PIP5K1B: variants seen among roughly 807,000 people sequenced by gnomAD.
PIP5K1B encodes phosphatidylinositol 4-phosphate 5-kinase type-1 beta.
In PIP5K1B, 42 loss-of-function variants were observed where a neutral mutation model predicts 67.0. That is an observed-to-expected ratio of 0.63 (90% CI 0.49 to 0.81). The LOEUF is 0.81. Ranked by LOEUF, PIP5K1B falls within the 30% of genes least tolerant of loss-of-function variation. The probability of loss-of-function intolerance (pLI) is 0.00; values close to 1 mark genes in which losing one functional copy is unlikely to be tolerated. For missense variants in PIP5K1B, 459 were observed against 646.3 expected (o/e 0.71, Z 3.14); for synonymous variants, 214 against 231.4 (o/e 0.92, Z 0.68).
chr9:68,728,912 C>G (rs554589039), intron 1 of PIP5K1B: 1 of 152,280 alleles, frequency 6.6e-6, no homozygotes, highest in Non-Finnish European at 1.5e-5. Context: ...GACTAATGAG[C>G]TGCTGGGGAA....
chr9:69,003,153 G>A (rs1830899139), intron 15 of PIP5K1B, among the ~76,000 whole-genome samples: 2 of 151,928 alleles, frequency 1.3e-5, no homozygotes, highest in African/African-American at 4.8e-5. Flanking sequence ...AGAGGGAGGC[G>A]GGATGAGTTG....
intron 9 of PIP5K1B, among the ~76,000 whole-genome samples, chr9:68,918,165 C>G (rs1338182067): frequency 6.6e-6 from 1 of 150,736 alleles, no homozygotes; most frequent in Non-Finnish European, 1.5e-5. Flanking sequence ...TCTCAGTTCA[C>G]TGCAACCTCC....
At chr9:68,904,527 C>G (rs1012455295) in intron 8 of PIP5K1B, among the ~76,000 whole-genome samples, 9 of 152,218 alleles carry the variant, frequency 5.9e-5, no homozygotes, top group African/African-American at 2.2e-4. Context: ...CATAATCAAG[C>G]CCATTGACAT....
At chr9:68,772,175 A>C (rs953533511) in intron 2 of PIP5K1B, among the ~76,000 whole-genome samples, 1 of 152,164 alleles carries the variant, frequency 6.6e-6, no homozygotes, top group African/African-American at 2.4e-5. Flanking sequence ...CAGCAGCTTC[A>C]AACTTCTTTT....
At chr9:68,964,292 G>C (rs1029374193) in intron 14 of PIP5K1B, among the ~76,000 whole-genome samples, 1 of 152,016 alleles carries the variant, frequency 6.6e-6, no homozygotes, top group East Asian at 1.9e-4. Context: ...TGTTTCTTAA[G>C]GGTTTATAAA....
intron 2 of PIP5K1B, among the ~76,000 whole-genome samples, chr9:68,800,589 T>G (rs1315175076): frequency 6.6e-6 from 1 of 152,106 alleles, no homozygotes; most frequent in Admixed American, 6.6e-5. Flanking sequence ...TGTGATTCTA[T>G]AGTTAGTGCA....
At chr9:68,888,497 G>A (rs761889612) in intron 6 of PIP5K1B, among the ~76,000 whole-genome samples, 5 of 152,212 alleles carry the variant, frequency 3.3e-5, no homozygotes, top group South Asian at 2.1e-4. Flanking sequence ...GAGCCCTAGC[G>A]AAAGATCTGG....
At chr9:68,994,230 C>A (rs1264560698) in intron 15 of PIP5K1B, among the ~76,000 whole-genome samples, 2 of 151,482 alleles carry the variant, frequency 1.3e-5, no homozygotes, top group African/African-American at 4.9e-5. Flanking sequence ...TCACTAGAGA[C>A]GGGGTTTCGC....
chr9:68,757,565 G>C (rs1463030416), intron 2 of PIP5K1B, among the ~76,000 whole-genome samples: 1 of 152,076 alleles, frequency 6.6e-6, no homozygotes, highest in Non-Finnish European at 1.5e-5. Context: ...TTAGACCTTT[G>C]GTTATACTCC....
intron 1 of PIP5K1B, among the ~76,000 whole-genome samples, chr9:68,709,300 G>T (rs1287765766): frequency 6.6e-6 from 1 of 151,740 alleles, no homozygotes; most frequent in East Asian, 1.9e-4. Context: ...GGAGTGCAGT[G>T]GCCCAACTCC....
At chr9:68,752,563 T>A (rs1264776503) in intron 2 of PIP5K1B, among the ~76,000 whole-genome samples, 1 of 152,104 alleles carries the variant, frequency 6.6e-6, no homozygotes, top group Non-Finnish European at 1.5e-5. Context: ...TCCTTCTTTC[T>A]TTTCCTTTCT....
At chr9:68,848,532 T>C (rs1297350715) in intron 4 of PIP5K1B, among the ~76,000 whole-genome samples, 1 of 152,206 alleles carries the variant, frequency 6.6e-6, no homozygotes, top group African/African-American at 2.4e-5. Context: ...CAAAAGTATA[T>C]ATTTAATTGT....
At chr9:68,720,012 C>G (rs1464521640) in intron 1 of PIP5K1B, among the ~76,000 whole-genome samples, 1 of 152,196 alleles carries the variant, frequency 6.6e-6, no homozygotes. Context: ...TTGTCCGCCT[C>G]CTTACTGAAA....
intron 4 of PIP5K1B, among the ~76,000 whole-genome samples, chr9:68,832,472 C>T (rs1332902813): frequency 6.6e-6 from 1 of 152,208 alleles, no homozygotes; most frequent in African/African-American, 2.4e-5. Context: ...ACTGTATTTT[C>T]TGGCAAGTTC....
intron 4 of PIP5K1B, among the ~76,000 whole-genome samples, chr9:68,855,115 A>T (rs1005201455): frequency 6.6e-6 from 1 of 152,206 alleles, no homozygotes; most frequent in Non-Finnish European, 1.5e-5. Flanking sequence ...TAGATATTCC[A>T]TCAAGTTGTA....
chr9:68,837,325 T>A (rs1834666368), intron 4 of PIP5K1B, among the ~76,000 whole-genome samples: 1 of 152,228 alleles, frequency 6.6e-6, no homozygotes, highest in Non-Finnish European at 1.5e-5. Flanking sequence ...CCCCCGCTAA[T>A]TAGGGGAGCC....
At position 68,882,078 on chromosome 9, in the gene PIP5K1B, GAGACCCTGCAGGA is replaced by G. The variant is rs567051907; in HGVS notation, c.318+5286_318+5298del. ...CTTTTTCTCCAGTGAATATAGCAGG[GAGACCCTGCAGGA>G]AATAGAAGCAAGAGCATGAATACAT... is the stretch of plus-strand genomic sequence containing the variant. On this transcript the variant is annotated intron_variant, in intron 6 of 15. Coordinates refer to ENST00000265382, the MANE Select transcript of PIP5K1B (RefSeq NM_003558.4). Among the ~76,000 whole-genome samples the G allele has an allele frequency of 1.2e-3, 186 of 152,312 alleles. 4 individuals are homozygous for G. The highest frequency in any genetic ancestry group is 1.5e-3 in the Non-Finnish European group (104 of 68,036).
At chr9:68,713,027 A>G (rs941582940) in intron 1 of PIP5K1B, among the ~76,000 whole-genome samples, 1 of 152,244 alleles carries the variant, frequency 6.6e-6, no homozygotes, top group African/African-American at 2.4e-5. Context: ...TCCCAATACC[A>G]TGGAAGAAGC....
chr9:68,816,258 A>T (rs7042786), intron 2 of PIP5K1B, among the ~76,000 whole-genome samples: 92,469 of 151,852 alleles, frequency 0.61, 28,358 homozygotes, highest in Admixed American at 0.71. Flanking sequence ...CCTCCCGAGT[A>T]GCTGGGATTA....
Sources: allele counts gnomAD v4.1 joint callset (sites outside exome capture counted in the v4.1 genomes callset), GRCh38; gene constraint gnomAD v4.1.1; transcripts MANE v1.5; gene names NCBI Gene and HGNC (gene_info 2026-07-23, HGNC 2026-07-21).